Variants in MTUS1 observed in about 807,000 individuals in gnomAD.
The protein encoded by MTUS1 is microtubule-associated tumor suppressor 1.
In MTUS1, 109 loss-of-function variants were observed where a neutral mutation model predicts 120.8. The observed-to-expected ratio is 0.90, with a 90% CI of 0.77 to 1.06. The LOEUF is 1.06. Ranked by LOEUF, MTUS1 falls within the 50% of genes least tolerant of loss-of-function variation. The pLI is 0.00. For synonymous variants in MTUS1, 737 were observed against 550.5 expected (o/e 1.34, Z -4.74); for missense variants, 2,210 against 1,486.3 (o/e 1.49, Z -8.01).
rs769750689 is a variant in MTUS1, at chr8:17,654,658, G to A, written c.3117C>T (p.Asn1039=). ...TAGAGGTTTCATGCGCAGCATTTAA[G>A]TTGTCAAACTGTAAGCAACAAACAA... ...YKMQLQEQFD[N]LNAAHETSKL... is the part of the protein sequence containing the mutation. The change falls in exon 10 of 15, where the codon AAC becomes AAT. Residue 1039 remains asparagine (N), a synonymous_variant. Coordinates refer to ENST00000693296, the MANE Select transcript of MTUS1 (RefSeq NM_001363059.2). The A allele has an allele frequency of 1.1e-5, 17 of 1,613,078 alleles. No homozygotes were observed. The African/African-American group carries it at 1.7e-4, about 16-fold the overall frequency.
At chr8:17,682,089 C>G (rs1172521891) in intron 7 of MTUS1, among the ~76,000 whole-genome samples, 1 of 152,142 alleles carries the variant, frequency 6.6e-6, no homozygotes, top group Non-Finnish European at 1.5e-5. Flanking sequence ...CTGGACACAT[C>G]AGCTGTAGAT....
chr8:17,722,431 T>G, intron 4 of MTUS1: 1 of 985,400 alleles, frequency 1.0e-6, no homozygotes, highest in Non-Finnish European at 1.2e-6. Flanking sequence ...CTTTTCAAAT[T>G]CAGAGTTCCC....
chr8:17,648,884 A>C (rs1806386586), intron 13 of MTUS1, among the ~76,000 whole-genome samples: 1 of 152,220 alleles, frequency 6.6e-6, no homozygotes. Context: ...GGCGGGGATC[A>C]CTTAAGCTGC....
At chr8:17,694,123 CATT>C (rs1023461173) in intron 6 of MTUS1, among the ~76,000 whole-genome samples, 7 of 152,270 alleles carry the variant, frequency 4.6e-5, no homozygotes, top group African/African-American at 1.7e-4. Flanking sequence ...GACAGGGTCT[CATT>C]AACTCTCCAG....
At position 17,644,994 on chromosome 8, in the gene MTUS1, T is replaced by A. The variant is rs1255927297; in HGVS notation, c.*932A>T. 6.6e-6 allele frequency: 1 copy of A among 152,522 alleles called. No homozygotes were observed. Among genetic ancestry groups the A allele is most frequent in the East Asian group, 1.9e-4 (1 of 5,192 alleles). 9.4% of individuals were successfully genotyped at this position (152,522 alleles called of 1,614,324 possible). ...AGAAGACAGGTTAAATCTGCAAGGG[T>A]AGATCAAAGGTAAAAATAAGGTGGA... On this transcript the variant is annotated 3_prime_UTR_variant, in exon 15 of 15. Transcript: ENST00000693296.
intron 2 of MTUS1, among the ~76,000 whole-genome samples, chr8:17,747,903 CAA>C (rs2047892841): frequency 6.6e-6 from 1 of 152,088 alleles, no homozygotes; most frequent in East Asian, 1.9e-4. Context: ...TGGCAGCAGG[CAA>C]AGAGAGCTCA....
intron 6 of MTUS1, chr8:17,691,442 T>C (rs776209474): frequency 6.6e-6 from 1 of 152,242 alleles, no homozygotes; most frequent in Non-Finnish European, 1.5e-5. Context: ...TTGGAATCAA[T>C]CCACGACAAA....
At chr8:17,684,282 C>T (rs766779316) in intron 7 of MTUS1, 46 bp downstream of exon 7, 2 of 1,468,152 alleles carry the variant, frequency 1.4e-6, no homozygotes, top group East Asian at 2.3e-5. Context: ...CCCCGTGCTC[C>T]CCCGACCTCA....
At chr8:17,734,260 T>G (rs2046784110) in intron 3 of MTUS1, 1 of 152,238 alleles carries the variant, frequency 6.6e-6, no homozygotes, top group African/African-American at 2.4e-5. Flanking sequence ...AATATTTCAG[T>G]AACACTCTAG....
At chr8:17,648,103 T>C (rs1238601878) in intron 13 of MTUS1, among the ~76,000 whole-genome samples, 7 of 152,178 alleles carry the variant, frequency 4.6e-5, no homozygotes, top group Non-Finnish European at 1.5e-5. Flanking sequence ...CCTTTAAATA[T>C]CTCATCCTAG....
intron 1 of MTUS1, among the ~76,000 whole-genome samples, chr8:17,789,359 A>C (rs1365426640): frequency 6.6e-6 from 1 of 152,166 alleles, no homozygotes; most frequent in African/African-American, 2.4e-5. Flanking sequence ...ATATGCAGTT[A>C]GTTTTTAAAA....
At chr8:17,655,809 G>A in intron 9 of MTUS1, 54 bp downstream of exon 9, 1 of 1,497,150 alleles carries the variant, frequency 6.7e-7, no homozygotes, top group Non-Finnish European at 9.3e-7. Context: ...GAGCAACCAG[G>A]ATTCAAGTAA....
At chr8:17,726,032 T>C (rs1055044887) in intron 3 of MTUS1, among the ~76,000 whole-genome samples, 6 of 152,156 alleles carry the variant, frequency 3.9e-5, no homozygotes, top group Non-Finnish European at 7.4e-5. Context: ...CACCCCTTCG[T>C]GGTTTCTCTC....
At chr8:17,769,505 G>A (rs1053329972) in intron 1 of MTUS1, among the ~76,000 whole-genome samples, 3 of 150,420 alleles carry the variant, frequency 2.0e-5, no homozygotes, top group South Asian at 2.1e-4. Flanking sequence ...CCGCCACCAC[G>A]CCCAGATAAT....
At chr8:17,654,965 G>A (rs183776796) in intron 9 of MTUS1, 5 of 314,922 alleles carry the variant, frequency 1.6e-5, no homozygotes, top group East Asian at 1.2e-4. Context: ...CAACGCAACT[G>A]GGATTCACCG....
intron 1 of MTUS1, among the ~76,000 whole-genome samples, chr8:17,759,176 C>T (rs1586218303): frequency 6.6e-6 from 1 of 152,148 alleles, no homozygotes; most frequent in Admixed American, 6.5e-5. Context: ...CCACCATGCC[C>T]GGCCCCAAGG....
chr8:17,649,858 T>C lies in MTUS1; in HGVS notation c.3489A>G (p.Lys1163=), dbSNP rs200174443. The change falls in exon 13 of 15, where the codon AAA becomes AAG. Residue 1163 remains lysine (K), a synonymous_variant. Coordinates refer to ENST00000693296, the MANE Select transcript of MTUS1 (RefSeq NM_001363059.2). ...KLHQQDIKLM[K]MEKLVDNNTA... ...GAAGGAAACATACCAGTTTCTCCAT[T>C]TTCATTAACTTGATGTCCTGTTGAT... The C allele has an allele frequency of 1.6e-5, 25 of 1,578,504 alleles. No homozygotes were observed. The highest frequency in any genetic ancestry group is 3.5e-6 in the Non-Finnish European group (4 of 1,147,994).
intron 4 of MTUS1, chr8:17,722,680 A>G (rs2045929081): frequency 2.4e-6 from 1 of 411,924 alleles, no homozygotes; most frequent in South Asian, 1.0e-4. Context: ...ATTCCCTCAC[A>G]TAGCTGCTGT....
intron 6 of MTUS1, among the ~76,000 whole-genome samples, chr8:17,694,040 C>G (rs1450422245): frequency 1.3e-5 from 2 of 152,182 alleles, no homozygotes; most frequent in African/African-American, 4.8e-5. Context: ...CTACTTTTGA[C>G]TTATTATACA....
Sources: gnomAD v4.1 joint callset for allele counts (sites outside exome capture counted in the v4.1 genomes callset) on GRCh38, gnomAD v4.1.1 for gene constraint, MANE v1.5 for transcripts, NCBI Gene and HGNC (gene_info 2026-07-23, HGNC 2026-07-21) for gene names.